Variants in SYNE1 observed in about 807,000 individuals in gnomAD.
The protein encoded by SYNE1 is nesprin-1.
Under a neutral mutation model 1,111.0 loss-of-function variants are expected in SYNE1, and 616 were observed. That is an observed-to-expected ratio of 0.55 (90% confidence interval 0.52 to 0.59). The LOEUF is 0.59. Ranked by LOEUF, SYNE1 falls within the 20% of genes least tolerant of loss-of-function variation. The probability of loss-of-function intolerance (pLI) is 0.00; values close to 1 mark genes in which losing one functional copy is unlikely to be tolerated. For missense variants in SYNE1, 10,006 were observed against 10,417.0 expected (o/e 0.96, Z 1.72); for synonymous variants, 3,855 against 3,825.8 (o/e 1.01, Z -0.28).
At chr6:152,536,432 T>G (rs2099241757) in intron 4 of SYNE1, among the ~76,000 whole-genome samples, 1 of 136,532 alleles carries the variant, frequency 7.3e-6, no homozygotes, top group South Asian at 2.1e-4. Context: ...TTTATATATA[T>G]AACTATATAT....
chr6:152,398,776 C>T (rs2097771862), intron 48 of SYNE1, 45 bp from the exon 49 acceptor site: 1 of 1,509,304 alleles, frequency 6.6e-7, no homozygotes, highest in African/African-American at 1.4e-5. Flanking sequence ...AAATCAGAAG[C>T]AAATCCAAAA....
chr6:152,435,927 T>C lies in SYNE1; in HGVS notation c.4310+14A>G. 3 of 1,614,054 alleles carry C rather than the reference T, an allele frequency of 1.9e-6. No homozygotes were observed. The highest frequency in any genetic ancestry group is 1.1e-5 in the South Asian group (1 of 91,074). ...ATCTCAGAGAAGAAAGTTTAGGACT[T>C]GTCAATCACATACTCTTCTTCAAGC... On this transcript the variant is annotated intron_variant, in intron 33 of 145. Coordinates refer to ENST00000367255, the MANE Select transcript of SYNE1 (RefSeq NM_182961.4).
At chr6:152,495,200 A>C (rs58902621) in intron 11 of SYNE1, among the ~76,000 whole-genome samples, 5,167 of 152,208 alleles carry the variant, frequency 0.034, 297 homozygotes, top group African/African-American at 0.12. Context: ...GCCCCTGCCC[A>C]GGATTGGCAG....
intron 130 of SYNE1, among the ~76,000 whole-genome samples, chr6:152,170,483 GT>G: frequency 6.6e-6 from 1 of 152,234 alleles, no homozygotes; most frequent in East Asian, 1.9e-4. Flanking sequence ...CAGGAACCAG[GT>G]GGACTAAACT....
At chr6:152,323,357 T>C (rs1185564551) in intron 82 of SYNE1, 121 bp downstream of exon 82, 2 of 1,446,308 alleles carry the variant, frequency 1.4e-6, no homozygotes, top group African/African-American at 1.4e-5. Context: ...GAGAATGGCG[T>C]GAACCCGGGA....
At chr6:152,194,551 T>C (rs1344109137) in intron 127 of SYNE1, among the ~76,000 whole-genome samples, 1 of 152,240 alleles carries the variant, frequency 6.6e-6, no homozygotes, top group Non-Finnish European at 1.5e-5. Context: ...TATCTTTCTC[T>C]ATGTTTGGCA....
At chr6:152,314,583 A>G (rs2095650715) in intron 87 of SYNE1, among the ~76,000 whole-genome samples, 1 of 151,908 alleles carries the variant, frequency 6.6e-6, no homozygotes, top group South Asian at 2.1e-4. Flanking sequence ...CCCCTAAATA[A>G]TCAACTCCCT....
intron 91 of SYNE1, among the ~76,000 whole-genome samples, chr6:152,304,910 G>A (rs10499267): frequency 0.056 from 8,521 of 152,216 alleles, 771 homozygotes; most frequent in African/African-American, 0.19. Context: ...CAATGCACGT[G>A]ACTTCCACTG....
chr6:152,298,137 G>A (rs569063186), intron 93 of SYNE1, among the ~76,000 whole-genome samples: 1 of 152,274 alleles, frequency 6.6e-6, no homozygotes, highest in East Asian at 1.9e-4. Context: ...AGTTTAAAAA[G>A]CACTTTCACG....
In SYNE1 at chr6:152,206,378, G is replaced by A; in HGVS notation, c.22825-16C>T. The A allele has an allele frequency of 1.9e-6, 3 of 1,613,098 alleles. No individual in the cohort carries two copies. Among genetic ancestry groups the A allele is most frequent in the East Asian group, 4.5e-5 (2 of 44,846 alleles). On this transcript the variant is annotated splice_polypyrimidine_tract_variant and intron_variant, in intron 125 of 145. Transcript: ENST00000367255. ...TTTCTTTGAACTGAAAGGAACCATA[G>A]CTTTTTATTTTCTCATTCTTTCTTT...
chr6:152,435,737 C>T (rs1248439059), intron 33 of SYNE1: 1 of 629,774 alleles, frequency 1.6e-6, no homozygotes, highest in Non-Finnish European at 2.7e-6. Flanking sequence ...AAACCCACAT[C>T]CTTTATATTT....
At chr6:152,558,576 A>C (rs1339705595) in intron 3 of SYNE1, among the ~76,000 whole-genome samples, 1 of 152,220 alleles carries the variant, frequency 6.6e-6, no homozygotes, top group East Asian at 1.9e-4. Flanking sequence ...TTTAAGTCAA[A>C]CACTGTCAAA....
At chr6:152,178,910 C>CTTT (rs750037655) in intron 129 of SYNE1, among the ~76,000 whole-genome samples, 35 of 115,536 alleles carry the variant, frequency 3.0e-4, no homozygotes, top group East Asian at 3.0e-3. Flanking sequence ...TCACCCAATT[C>CTTT]TTTTTTTTTT....
chr6:152,178,214 A>T (rs1401777469), intron 129 of SYNE1, among the ~76,000 whole-genome samples: 5 of 151,734 alleles, frequency 3.3e-5, no homozygotes, highest in Non-Finnish European at 7.4e-5. Context: ...TTTTCCCCAC[A>T]CTCTCACAAT....
At chr6:152,464,987 G>A (rs931113586) in intron 18 of SYNE1, 1 of 495,198 alleles carries the variant, frequency 2.0e-6, no homozygotes, top group African/African-American at 1.9e-5. Flanking sequence ...GAAGGCTGGG[G>A]CCCTAGACAC....
chr6:152,606,675 C>T (rs1013286593), intron 3 of SYNE1, among the ~76,000 whole-genome samples: 1 of 140,680 alleles, frequency 7.1e-6, no homozygotes, highest in East Asian at 2.1e-4. Context: ...TGAGACGGAG[C>T]CTGGCTCTGT....
At chr6:152,356,172 A>G (rs2154054139) in intron 66 of SYNE1, among the ~76,000 whole-genome samples, 1 of 152,188 alleles carries the variant, frequency 6.6e-6, no homozygotes, top group South Asian at 2.1e-4. Context: ...CTCTGTTGCA[A>G]TGACTTAACT....
chr6:152,284,544 G>C (rs1470852292), intron 95 of SYNE1, among the ~76,000 whole-genome samples: 9 of 149,978 alleles, frequency 6.0e-5, no homozygotes, highest in Non-Finnish European at 1.3e-4. Flanking sequence ...CTGTAATCTT[G>C]AACTCCTGGG....
At chr6:152,159,320 G>A (rs2061973996) in intron 131 of SYNE1, among the ~76,000 whole-genome samples, 1 of 152,104 alleles carries the variant, frequency 6.6e-6, no homozygotes, top group Admixed American at 6.5e-5. Context: ...TATAAATCAG[G>A]GCTCTAAGGG....
Sources: allele counts gnomAD v4.1 joint callset (sites outside exome capture counted in the v4.1 genomes callset), GRCh38; gene constraint gnomAD v4.1.1; transcripts MANE v1.5; gene names NCBI Gene and HGNC (gene_info 2026-07-23, HGNC 2026-07-21).